The following RPGRIP1L variants were observed in gnomAD, a reference collection of about 807,000 sequenced individuals.
RPGRIP1L encodes the protein RPGRIP1 like.
A neutral mutation model predicts 160.4 loss-of-function variants in RPGRIP1L; 131 were observed. That is an observed-to-expected ratio of 0.82 (90% CI 0.71 to 0.94). The LOEUF (loss-of-function observed/expected upper bound fraction) is 0.94. Ranked by LOEUF, RPGRIP1L falls within the 40% of genes least tolerant of loss-of-function variation. RPGRIP1L has a pLI of 0.00. For synonymous variants in RPGRIP1L, 510 were observed against 515.8 expected (o/e 0.99, Z 0.15); for missense variants, 1,522 against 1,535.8 (o/e 0.99, Z 0.15).
intron 23 of RPGRIP1L, 93 bp downstream of exon 23, chr16:53,622,126 A>T: frequency 2.6e-6 from 1 of 380,846 alleles, no homozygotes; most frequent in Non-Finnish European, 4.7e-6. Context: ...GCACTTTGGG[A>T]GGCAGAGGTG....
chr16:53,628,652 C>G (rs1414189214), intron 22 of RPGRIP1L: 2 of 152,096 alleles, frequency 1.3e-5, no homozygotes, highest in Non-Finnish European at 2.9e-5. Flanking sequence ...GAATCTCAAG[C>G]TGTCAAGGTA....
intron 10 of RPGRIP1L, among the ~76,000 whole-genome samples, chr16:53,661,956 A>AT (rs1414785677): frequency 3.3e-5 from 5 of 152,174 alleles, no homozygotes; most frequent in African/African-American, 9.6e-5. Flanking sequence ...TATTTGGGAC[A>AT]TAACTCCTGG....
chr16:53,684,034 T>TA (rs1267094443), intron 6 of RPGRIP1L, among the ~76,000 whole-genome samples: 1 of 152,114 alleles, frequency 6.6e-6, no homozygotes, highest in Non-Finnish European at 1.5e-5. Context: ...ACAAAAACTC[T>TA]AGAAGAAAAC....
chr16:53,652,533 A>C lies in RPGRIP1L; in HGVS notation c.2152+2T>G, dbSNP rs1304326830. 1 of 1,610,292 alleles carries C rather than the reference A, an allele frequency of 6.2e-7. No homozygotes were observed. The highest frequency in any genetic ancestry group is 1.1e-5 in the South Asian group (1 of 90,996). ...CACCCAAGGCTTATACATTGTACTT[A>C]CCAATCAAACTTGCTGTACAAAATA... On this transcript the variant is annotated splice_donor_variant, in intron 15 of 26. Coordinates refer to ENST00000647211, the MANE Select transcript of RPGRIP1L (RefSeq NM_015272.5). LOFTEE classifies it high-confidence loss of function.
Position 53,637,760 on chromosome 16 carries a change from A to C in RPGRIP1L, c.3155T>G (p.Leu1052Arg), listed in dbSNP as rs540177010. 2 of 1,612,982 alleles carry C rather than the reference A, an allele frequency of 1.2e-6. No homozygotes were observed. Among genetic ancestry groups the C allele is most frequent in the South Asian group, 2.2e-5 (2 of 91,066 alleles). ...AGAAGATGCCAAGCTTTGTTCTGCA[A>C]GCTGACCTTCAGATAGTAAAGACAC... Reference protein sequence around the residue: ...DDVSLLSEGQLAEQSLASSED... With the variant: ...DDVSLLSEGQRAEQSLASSED... The change falls in exon 21 of 27, where the codon CTT becomes CGT. Residue 1052 changes from leucine (L) to arginine (R), a missense_variant. Leu to Arg is a moderately radical substitution (Grantham distance 102, BLOSUM62 -2). Transcript: ENST00000647211.
In RPGRIP1L at chr16:53,622,328, C is replaced by T. The variant is rs919333754; in HGVS notation, c.3323G>A (p.Cys1108Tyr). Residue 1108 changes from cysteine (C) to tyrosine (Y), a missense_variant, in exon 23 of 27, where the codon TGC (cysteine) becomes TAC (tyrosine). Transcript: ENST00000647211. ...QSLALSPGLG[C>Y]SSAISAHCNF... ...GCAGTGAGCTGAGATCGCGCTACTGCACCCCAGCCCGGGAGACAATGCGAG... is the reference window on the plus strand; with the variant it reads ...GCAGTGAGCTGAGATCGCGCTACTGTACCCCAGCCCGGGAGACAATGCGAG... 89 of 637,582 alleles carry T rather than the reference C, an allele frequency of 1.4e-4. 1 individual carries two copies. In the African/African-American group the frequency reaches 1.5e-3, roughly 11 times the overall value. The allele number at this position is 637,582 out of a possible 1,614,324, so 39.5% of individuals were successfully genotyped here.
rs762829599 is a variant in RPGRIP1L, at chr16:53,638,319, A to G, written c.3051T>C (p.His1017=). The change falls in exon 20 of 27, where the codon CAT becomes CAC. Residue 1017 remains histidine, a synonymous_variant. Coordinates refer to ENST00000647211, the MANE Select transcript of RPGRIP1L (RefSeq NM_015272.5). The stretch of plus-strand genomic sequence containing the variant: ...TAACACAAATGCATACCTTGGGAAC[A>G]TGTGGAACAGTCAGCATATTAATTT... ...EIEINMLTVP[H]VPKVSQEGSV... 1 of 1,553,238 alleles carries G rather than the reference A, an allele frequency of 6.4e-7. No individual in the cohort carries two copies. The highest frequency in any genetic ancestry group is 2.3e-5 in the East Asian group (1 of 44,406).
intron 22 of RPGRIP1L, among the ~76,000 whole-genome samples, chr16:53,634,619 T>C (rs1237786813): frequency 3.3e-5 from 5 of 152,102 alleles, no homozygotes. Flanking sequence ...CCTTGAGAGC[T>C]GATTGTTATA....
chr16:53,697,175 G>A (rs1049131178), intron 2 of RPGRIP1L, among the ~76,000 whole-genome samples: 6 of 150,672 alleles, frequency 4.0e-5, no homozygotes, highest in South Asian at 2.1e-4. Flanking sequence ...GTGAGAGAGC[G>A]AGACTCTGTC....
chr16:53,620,416 A>C (rs1161042746), intron 23 of RPGRIP1L, among the ~76,000 whole-genome samples: 1 of 152,178 alleles, frequency 6.6e-6, no homozygotes, highest in Non-Finnish European at 1.5e-5. Flanking sequence ...TATTTCAATA[A>C]GGTTATTTTA....
chr16:53,616,383 A>G (rs1046850309), intron 24 of RPGRIP1L, among the ~76,000 whole-genome samples: 4 of 152,216 alleles, frequency 2.6e-5, no homozygotes, highest in African/African-American at 9.6e-5. Context: ...AAACATTTTC[A>G]TTATGTCATA....
At chr16:53,683,042 T>G (rs1171168370) in intron 6 of RPGRIP1L, among the ~76,000 whole-genome samples, 1 of 152,152 alleles carries the variant, frequency 6.6e-6, no homozygotes, top group Non-Finnish European at 1.5e-5. Context: ...ACTAATCTGA[T>G]AAATCTATGA....
chr16:53,603,975 C>T (rs1054611619), intron 26 of RPGRIP1L, among the ~76,000 whole-genome samples: 2 of 152,080 alleles, frequency 1.3e-5, no homozygotes, highest in African/African-American at 2.4e-5. Flanking sequence ...GGGTCATATG[C>T]GGTCTCTCAG....
intron 6 of RPGRIP1L, among the ~76,000 whole-genome samples, chr16:53,679,372 A>G (rs1158659583): frequency 6.6e-6 from 1 of 151,882 alleles, no homozygotes; most frequent in Non-Finnish European, 1.5e-5. Context: ...CCAACTTGAG[A>G]TTTACAGTAA....
chr16:53,698,014 G>A (rs1263410390), intron 2 of RPGRIP1L, among the ~76,000 whole-genome samples: 8 of 149,780 alleles, frequency 5.3e-5, no homozygotes, highest in South Asian at 2.1e-4. Flanking sequence ...TTGCCCTGCC[G>A]CCCCGTCTGG....
In RPGRIP1L at chr16:53,622,256, T is replaced by C. The variant is rs561414163; in HGVS notation, c.3395A>G (p.Gln1132Arg). The C allele has an allele frequency of 4.4e-3, 2,885 of 657,008 alleles. 91 individuals are homozygous for C. The South Asian group carries it at 0.046, about 10-fold the overall frequency. 40.7% of individuals were successfully genotyped at this position (657,008 alleles called of 1,614,324 possible). ...GCAGGCACCTGTAATCCCATCTACTTGGGAGGCTGAGGCAGGAAAATCGCT... is the reference window on the plus strand; with the variant it reads ...GCAGGCACCTGTAATCCCATCTACTCGGGAGGCTGAGGCAGGAAAATCGCT... The part of the protein sequence containing the change: ...GSSDFPASAS[Q>R]VDGITGACHH... Residue 1132 changes from glutamine to arginine, a missense_variant, in exon 23 of 27, where the codon CAA becomes CGA. Transcript: ENST00000647211.
chr16:53,666,985 G>C (rs995121611), intron 9 of RPGRIP1L, among the ~76,000 whole-genome samples: 4 of 152,132 alleles, frequency 2.6e-5, no homozygotes, highest in African/African-American at 4.8e-5. Context: ...GCTATGCTTA[G>C]AGCCATCTGT....
intron 5 of RPGRIP1L, 65 bp from the exon 6 acceptor site, chr16:53,686,641 T>G (rs1598401525): frequency 1.3e-6 from 2 of 1,542,276 alleles, no homozygotes; most frequent in Non-Finnish European, 1.8e-6. Context: ...TTAAGATCAG[T>G]GCAAAGAAAG....
intron 26 of RPGRIP1L, 97 bp from the exon 27 acceptor site, chr16:53,602,285 G>A (rs1963417523): frequency 1.2e-6 from 1 of 823,306 alleles, no homozygotes; most frequent in Non-Finnish European, 2.1e-6. Context: ...GATGAAAATA[G>A]TTCTACAGAA....
Sources: allele counts gnomAD v4.1 joint callset (sites outside exome capture counted in the v4.1 genomes callset), GRCh38; gene constraint gnomAD v4.1.1; transcripts MANE v1.5; gene names NCBI Gene and HGNC (gene_info 2026-07-23, HGNC 2026-07-21).